PLXNA4: variants seen among roughly 807,000 people sequenced by gnomAD.
The protein encoded by PLXNA4 is plexin A4.
A neutral mutation model predicts 191.8 loss-of-function variants in PLXNA4; 44 were observed. The observed-to-expected ratio is 0.23, with a 90% confidence interval of 0.18 to 0.29. The LOEUF (loss-of-function observed/expected upper bound fraction) is 0.29, where lower values mean the gene tolerates loss of function less well. PLXNA4 is among the 10% of genes least tolerant of loss of function. The probability of loss-of-function intolerance (pLI) is 1.00; values close to 1 mark genes in which losing one functional copy is unlikely to be tolerated. For synonymous variants in PLXNA4, 1,082 were observed against 1,009.5 expected (o/e 1.07, Z -1.36); for missense variants, 1,800 against 2,488.8 (o/e 0.72, Z 5.89).
At chr7:132,482,357 G>A (rs757439534) in intron 3 of PLXNA4, among the ~76,000 whole-genome samples, 15 of 152,298 alleles carry the variant, frequency 9.8e-5, no homozygotes, top group African/African-American at 2.4e-4. Flanking sequence ...TGTTGTGCAC[G>A]TGGCCTCATG....
At chr7:132,600,107 A>G (rs1802789055) in intron 2 of PLXNA4, among the ~76,000 whole-genome samples, 1 of 152,214 alleles carries the variant, frequency 6.6e-6, no homozygotes, top group African/African-American at 2.4e-5. Context: ...TGTACTTATC[A>G]TAAGTGAAAT....
At chr7:132,255,667 C>G in intron 4 of PLXNA4, among the ~76,000 whole-genome samples, 1 of 152,142 alleles carries the variant, frequency 6.6e-6, no homozygotes, top group East Asian at 1.9e-4. Flanking sequence ...CTAACCTGAC[C>G]ACTGACTCCA....
chr7:132,294,808 C>T (rs1002611702), intron 4 of PLXNA4, among the ~76,000 whole-genome samples: 18 of 151,924 alleles, frequency 1.2e-4, no homozygotes, highest in South Asian at 6.2e-4. Context: ...GAAGAAGAGG[C>T]GAGTAGGACA....
intron 3 of PLXNA4, among the ~76,000 whole-genome samples, chr7:132,481,666 A>T (rs1456621594): frequency 1.3e-5 from 2 of 152,050 alleles, no homozygotes; most frequent in Non-Finnish European, 2.9e-5. Context: ...TAAGGAAACG[A>T]CCCCTTCCTA....
chr7:132,354,441 A>T (rs571646914), intron 3 of PLXNA4, among the ~76,000 whole-genome samples: 8 of 152,326 alleles, frequency 5.3e-5, no homozygotes, highest in African/African-American at 1.9e-4. Context: ...CCATCAGGGA[A>T]TAGACTATTC....
chr7:132,549,839 G>A (rs895863687), intron 1 of PLXNA4, among the ~76,000 whole-genome samples: 2 of 152,184 alleles, frequency 1.3e-5, no homozygotes, highest in East Asian at 3.8e-4. Context: ...AATGACTTTA[G>A]AATGCTCAGC....
intron 1 of PLXNA4, among the ~76,000 whole-genome samples, chr7:132,558,332 G>T (rs1047966123): frequency 2.0e-4 from 30 of 152,066 alleles, no homozygotes; most frequent in African/African-American, 7.2e-4. Flanking sequence ...TTCTATATTT[G>T]GTCATGTGAT....
At chr7:132,298,507 C>A (rs1231597554) in intron 3 of PLXNA4, among the ~76,000 whole-genome samples, 1 of 152,216 alleles carries the variant, frequency 6.6e-6, no homozygotes, top group East Asian at 1.9e-4. Context: ...GCCTTTCTTG[C>A]TGGTCTTTGG....
chr7:132,641,451 T>C (rs1803741716), intron 2 of PLXNA4, among the ~76,000 whole-genome samples: 1 of 152,178 alleles, frequency 6.6e-6, no homozygotes, highest in Non-Finnish European at 1.5e-5. Flanking sequence ...TCATGTTGGA[T>C]GAGGGCTCTA....
At chr7:132,261,574 T>C (rs887744379) in intron 4 of PLXNA4, among the ~76,000 whole-genome samples, 1 of 152,222 alleles carries the variant, frequency 6.6e-6, no homozygotes, top group Non-Finnish European at 1.5e-5. Flanking sequence ...CCAAGGTATT[T>C]CCACTGTCTG....
At position 132,174,785 on chromosome 7, in the gene PLXNA4, T is replaced by C. The variant is rs1796403903; in HGVS notation, c.4010A>G (p.Asp1337Gly). ...PGIEDHPVLR[D>G]LEVPGYRQER... is the part of the protein sequence containing the mutation. Reference sequence around the variant, plus strand: ...TGGAGCACTGCTTCTCACCTCAAGGTCCCGGAGGACAGGGTGGTCTTCAAT... The same window carrying C: ...TGGAGCACTGCTTCTCACCTCAAGGCCCCGGAGGACAGGGTGGTCTTCAAT... Residue 1337 changes from aspartate to glycine, a missense_variant, in exon 21 of 32, where the codon GAC becomes GGC. Physicochemically the swap from Asp to Gly is moderately conservative, Grantham distance 94. This residue lies in a region of PLXNA4 where 1,397 missense variants were observed against 1,880.4 expected (regional missense o/e 0.74). Transcript: ENST00000321063. The C allele has an allele frequency of 3.1e-6, 5 of 1,613,952 alleles. No homozygotes were observed. The East Asian group carries it at 1.1e-4, about 36-fold the overall frequency.
intron 2 of PLXNA4, among the ~76,000 whole-genome samples, chr7:132,602,398 C>T (rs896262175): frequency 3.9e-5 from 6 of 152,194 alleles, no homozygotes; most frequent in Admixed American, 6.5e-5. Flanking sequence ...ATAACCTATA[C>T]GACCAAGAGA....
At chr7:132,165,241 G>A (rs1268909290) in intron 22 of PLXNA4, 41 bp from the exon 23 acceptor site, 2 of 1,598,820 alleles carry the variant, frequency 1.3e-6, no homozygotes, top group African/African-American at 2.7e-5. Context: ...ACAAGACAAA[G>A]AAAGAAGCAG....
At chr7:132,244,855 A>G (rs1798994785) in intron 4 of PLXNA4, among the ~76,000 whole-genome samples, 1 of 152,220 alleles carries the variant, frequency 6.6e-6, no homozygotes, top group African/African-American at 2.4e-5. Flanking sequence ...CCAACCATTT[A>G]GCTTAGTATA....
intron 1 of PLXNA4, among the ~76,000 whole-genome samples, chr7:132,554,188 T>C (rs1800690296): frequency 6.6e-6 from 1 of 152,178 alleles, no homozygotes; most frequent in Non-Finnish European, 1.5e-5. Context: ...CACAGGCTGT[T>C]CTAGTGAACA....
At chr7:132,207,222 A>G (rs575755603) in intron 10 of PLXNA4, among the ~76,000 whole-genome samples, 22 of 152,294 alleles carry the variant, frequency 1.4e-4, no homozygotes, top group Non-Finnish European at 2.8e-4. Flanking sequence ...GTCCCAGTAA[A>G]GTAGAAAGGG....
rs1176501360 is a variant in PLXNA4, at chr7:132,489,358, G to C, written c.1305C>G (p.Val435=). The C allele has an allele frequency of 6.2e-7, 1 of 1,606,370 alleles. No homozygotes were observed. The highest frequency in any genetic ancestry group is 8.5e-7 in the Non-Finnish European group (1 of 1,173,456). ...AGTGGTTCTTGTAGACATATGCGAT[G>C]ACAGACGTCATGCGGTCCCTGTCCT... ...FTEDRDRMTS[V]IAYVYKNHSL... is the part of the protein sequence containing the mutation. Residue 435 remains valine, a synonymous_variant, in exon 3 of 32, where the codon GTC becomes GTG. Transcript: ENST00000321063.
chr7:132,639,119 G>A (rs73434742), intron 2 of PLXNA4, among the ~76,000 whole-genome samples: 5,556 of 152,222 alleles, frequency 0.036, 354 homozygotes, highest in African/African-American at 0.12. Context: ...CACCCATCAC[G>A]GTGCTGAGCT....
At chr7:132,326,193 T>C (rs1056472108) in intron 3 of PLXNA4, among the ~76,000 whole-genome samples, 6 of 152,140 alleles carry the variant, frequency 3.9e-5, no homozygotes, top group Non-Finnish European at 8.8e-5. Flanking sequence ...TGTCTTCCAG[T>C]AGGGACATTG....
Sources: allele counts gnomAD v4.1 joint callset (sites outside exome capture counted in the v4.1 genomes callset), GRCh38; gene constraint gnomAD v4.1.1; regional missense constraint gnomAD v4.1.1; transcripts MANE v1.5; gene names NCBI Gene and HGNC (gene_info 2026-07-23, HGNC 2026-07-21).